The following MIS18BP1 variants were observed in gnomAD, a reference collection of about 807,000 sequenced individuals.
MIS18BP1 encodes the protein MIS18 binding protein 1.
Under a neutral mutation model 116.1 loss-of-function variants are expected in MIS18BP1, and 72 were observed. That is an observed-to-expected ratio of 0.62 (90% CI 0.51 to 0.75). The LOEUF (loss-of-function observed/expected upper bound fraction) is 0.75, where lower values mean the gene tolerates loss of function less well. Ranked by LOEUF, MIS18BP1 falls within the 30% of genes least tolerant of loss-of-function variation. The pLI is 0.00. For missense variants in MIS18BP1, 1,363 were observed against 1,303.2 expected (o/e 1.05, Z -0.71); for synonymous variants, 386 against 427.0 (o/e 0.90, Z 1.18).
In MIS18BP1 at chr14:45,237,684, T is replaced by C. The variant is rs1183531285; in HGVS notation, c.1181A>G (p.Asn394Ser). 17 of 1,602,474 alleles carry C rather than the reference T, an allele frequency of 1.1e-5. No individual in the cohort carries two copies. The highest frequency in any genetic ancestry group is 1.4e-5 in the Non-Finnish European group (16 of 1,176,124). ...QLQEWMIKSI[N>S]NNTAICVEGK... ...TTCTACACATATAGCAGTATTATTA[T>C]TGATGCTTTTAATCATCCATTCCTG... is the stretch of plus-strand genomic sequence containing the variant. The change falls in exon 5 of 17, where the codon AAT becomes AGT. Residue 394 changes from asparagine to serine, a missense_variant. By Grantham distance (46) the Asn-to-Ser change is conservative. Transcript: ENST00000310806.
At chr14:45,252,376 C>T (rs1056016376) in intron 1 of MIS18BP1, among the ~76,000 whole-genome samples, 1 of 152,146 alleles carries the variant, frequency 6.6e-6, no homozygotes, top group Non-Finnish European at 1.5e-5. Context: ...AAAGTAACAA[C>T]ATAGAATTGC....
intron 5 of MIS18BP1, 136 bp downstream of exon 5, chr14:45,237,511 AT>A: frequency 2.0e-6 from 2 of 1,005,692 alleles, no homozygotes; most frequent in Non-Finnish European, 2.8e-6. Flanking sequence ...CTGCACAGTA[AT>A]TTTACTTTTT....
chr14:45,210,300 C>G, intron 14 of MIS18BP1, 80 bp downstream of exon 14: 1 of 1,412,214 alleles, frequency 7.1e-7, no homozygotes, highest in Non-Finnish European at 9.7e-7. Context: ...TTACTGGCAT[C>G]TATGGTCCTC....
At chr14:45,237,503 G>A (rs988577804) in intron 5 of MIS18BP1, 145 bp downstream of exon 5, 39 of 899,164 alleles carry the variant, frequency 4.3e-5, no homozygotes, top group Non-Finnish European at 6.0e-5. Context: ...GCTAGGACCT[G>A]CACAGTAATT....
chr14:45,226,181 C>T (rs755770444), intron 10 of MIS18BP1, among the ~76,000 whole-genome samples: 28 of 151,934 alleles, frequency 1.8e-4, no homozygotes, highest in Non-Finnish European at 2.8e-4. Flanking sequence ...ATACTTAAAC[C>T]GAATATGAAC....
chr14:45,244,660 T>C (rs1001167103), intron 2 of MIS18BP1, among the ~76,000 whole-genome samples: 2 of 152,216 alleles, frequency 1.3e-5, no homozygotes, highest in Non-Finnish European at 2.9e-5. Context: ...TGTTCACAAA[T>C]CTTAAACAGC....
At chr14:45,218,965 A>C (rs1206654522) in intron 11 of MIS18BP1, among the ~76,000 whole-genome samples, 5 of 152,134 alleles carry the variant, frequency 3.3e-5, no homozygotes, top group African/African-American at 1.2e-4. Flanking sequence ...CTCTTAATTA[A>C]GGAAAATGAA....
chr14:45,224,854 C>G (rs1179882291), intron 10 of MIS18BP1, 108 bp from the exon 11 acceptor site: 2 of 844,134 alleles, frequency 2.4e-6, no homozygotes, highest in Admixed American at 6.0e-5. Flanking sequence ...TTTTTATCCA[C>G]GAGCTACACT....
chr14:45,235,121 C>T (rs1179126539), intron 6 of MIS18BP1, among the ~76,000 whole-genome samples: 1 of 151,056 alleles, frequency 6.6e-6, no homozygotes. Flanking sequence ...CATGAATAAT[C>T]GCTTGAACTT....
At chr14:45,237,749 T>C in intron 4 of MIS18BP1, 28 bp from the exon 5 acceptor site, 1 of 1,565,196 alleles carries the variant, frequency 6.4e-7, no homozygotes, top group Non-Finnish European at 8.6e-7. Context: ...AAAGAACATA[T>C]TTCCTGTATT....
Position 45,242,374 on chromosome 14 carries a change from A to G in MIS18BP1, c.803T>C (p.Phe268Ser), listed in dbSNP as rs781170208. 6 of 1,614,106 alleles carry G rather than the reference A, an allele frequency of 3.7e-6. No individual in the cohort carries two copies. In the South Asian group the frequency reaches 5.5e-5, roughly 15 times the overall value. The change falls in exon 4 of 17, where the codon TTT (phenylalanine) becomes TCT (serine). Residue 268 changes from phenylalanine to serine, a missense_variant. Coordinates refer to ENST00000310806, the MANE Select transcript of MIS18BP1 (RefSeq NM_018353.5). ...AGCAGAATCAACGCTTTCTAAAACA[A>G]ACGTGTCCTTTTTGGATTTAGTGGT... is the stretch of plus-strand genomic sequence containing the variant. ...VATTKSKKDT[F>S]VLESVDSADE...
Position 45,210,441 on chromosome 14 carries a change from G to C in MIS18BP1, c.3091C>G (p.Pro1031Ala), listed in dbSNP as rs1282568371. 1 of 1,613,970 alleles carries C rather than the reference G, an allele frequency of 6.2e-7. No individual in the cohort carries two copies. Among genetic ancestry groups the C allele is most frequent in the Admixed American group, 1.7e-5 (1 of 60,016 alleles). Residue 1031 changes from proline to alanine, a missense_variant, in exon 14 of 17, where the codon CCA becomes GCA. Transcript: ENST00000310806. ...TGACATTGAGGAGTTTTTACCAATG[G>C]AAAGATAACTGATGATGGAGTTGTT... ...NPTTPSSVIF[P>A]LVKTPQCQHV...
intron 11 of MIS18BP1, among the ~76,000 whole-genome samples, chr14:45,221,832 A>C (rs1253107839): frequency 6.6e-6 from 1 of 152,236 alleles, no homozygotes; most frequent in African/African-American, 2.4e-5. Flanking sequence ...AGAGAGGAGC[A>C]GTGTGGTTTC....
intron 6 of MIS18BP1, among the ~76,000 whole-genome samples, chr14:45,233,122 C>G (rs145204653): frequency 1.3e-5 from 2 of 151,980 alleles, no homozygotes; most frequent in African/African-American, 4.8e-5. Flanking sequence ...AAGGGGTGAA[C>G]AGCAATTTAA....
intron 10 of MIS18BP1, 122 bp downstream of exon 10, chr14:45,226,621 A>T: frequency 1.2e-6 from 1 of 841,634 alleles, no homozygotes; most frequent in Non-Finnish European, 1.6e-6. Context: ...CCAAACATTT[A>T]AAAACATTAA....
chr14:45,249,646 G>A (rs1420946894), intron 1 of MIS18BP1, among the ~76,000 whole-genome samples: 1 of 152,156 alleles, frequency 6.6e-6, no homozygotes, highest in Non-Finnish European at 1.5e-5. Context: ...CAAGGCAGGA[G>A]AATCACTTGA....
chr14:45,235,936 G>C lies in MIS18BP1; in HGVS notation c.1226C>G (p.Thr409Ser). Residue 409 changes from threonine (T) to serine (S), a missense_variant, in exon 6 of 17, where the codon ACT becomes AGT. Transcript: ENST00000310806. ...TACATTACTGTGCCAATATATGTTA[G>C]TGACGTCTCTAGGAAAAAAAAATAG... is the stretch of plus-strand genomic sequence containing the variant. ...ICVEGKLIDV[T>S]NIYWHSNVII... is the part of the protein sequence containing the mutation. 6.2e-7 allele frequency: 1 copy of C among 1,600,828 alleles called. No homozygotes were observed. The highest frequency in any genetic ancestry group is 1.3e-5 in the African/African-American group (1 of 74,150).
At chr14:45,230,250 T>C (rs1891238812) in intron 8 of MIS18BP1, among the ~76,000 whole-genome samples, 1 of 152,210 alleles carries the variant, frequency 6.6e-6, no homozygotes, top group Non-Finnish European at 1.5e-5. Context: ...TTAATGTTCA[T>C]ACATTTTTAT....
chr14:45,209,769 A>G lies in MIS18BP1; in HGVS notation c.3152+611T>C, dbSNP rs527791003. Among the ~76,000 whole-genome samples the G allele has an allele frequency of 7.9e-5, 12 of 152,366 alleles. 1 individual carries two copies. The highest frequency in any genetic ancestry group is 2.6e-4 in the Admixed American group (4 of 15,302). On this transcript the variant is annotated intron_variant, in intron 14 of 16. Coordinates refer to ENST00000310806, the MANE Select transcript of MIS18BP1 (RefSeq NM_018353.5). ...AAGTAAAATTCCTAAGTCAAAGGGCATGTGCATTTATAATTTTGATACTTA... is the reference window on the plus strand; with the variant it reads ...AAGTAAAATTCCTAAGTCAAAGGGCGTGTGCATTTATAATTTTGATACTTA...
Sources: allele counts gnomAD v4.1 joint callset (sites outside exome capture counted in the v4.1 genomes callset), GRCh38; gene constraint gnomAD v4.1.1; transcripts MANE v1.5; gene names NCBI Gene and HGNC (gene_info 2026-07-23, HGNC 2026-07-21).